The following SLC9A9 variants were observed in gnomAD, a reference collection of about 807,000 sequenced individuals.
SLC9A9 encodes the protein solute carrier family 9 member A9.
SLC9A9 carries 62 observed loss-of-function variants against 77.8 expected under a neutral mutation model. That is an observed-to-expected ratio of 0.80 (90% CI 0.65 to 0.98). The LOEUF (loss-of-function observed/expected upper bound fraction) is 0.98, where lower values mean the gene tolerates loss of function less well. SLC9A9 is among the 50% of genes least tolerant of loss of function. SLC9A9 has a pLI of 0.00. For synonymous variants in SLC9A9, 320 were observed against 283.5 expected, an observed-to-expected ratio of 1.13 and a Z score of -1.29; for missense variants, 775 against 774.9, an observed-to-expected ratio of 1.00 and a Z score of 0.00.
intron 9 of SLC9A9, chr3:143,517,529 T>C (rs2036225749): frequency 8.8e-6 from 14 of 1,597,692 alleles, no homozygotes; most frequent in Non-Finnish European, 1.2e-5. Flanking sequence ...CTTTCTCCGA[T>C]GTTCTGCAAT....
chr3:143,624,724 C>G (rs1365370655), intron 6 of SLC9A9, among the ~76,000 whole-genome samples: 4 of 152,216 alleles, frequency 2.6e-5, no homozygotes, highest in African/African-American at 9.6e-5. Flanking sequence ...GATGCCCTCT[C>G]TTACCACTCC....
At chr3:143,547,865 T>C (rs974969127) in intron 9 of SLC9A9, among the ~76,000 whole-genome samples, 2 of 152,258 alleles carry the variant, frequency 1.3e-5, no homozygotes, top group African/African-American at 4.8e-5. Flanking sequence ...ATACTTTGCT[T>C]ATTTATTTTG....
intron 9 of SLC9A9, chr3:143,517,164 T>A: frequency 6.5e-7 from 1 of 1,533,362 alleles, no homozygotes; most frequent in African/African-American, 1.4e-5. Context: ...CTGATGAGAT[T>A]CATAACCTTT....
intron 1 of SLC9A9, among the ~76,000 whole-genome samples, chr3:143,845,204 C>G (rs2009806872): frequency 6.6e-6 from 1 of 152,176 alleles, no homozygotes; most frequent in Non-Finnish European, 1.5e-5. Context: ...TTTTATCTCT[C>G]TAAGTCTTCA....
intron 1 of SLC9A9, among the ~76,000 whole-genome samples, chr3:143,845,357 C>T (rs942272304): frequency 6.6e-6 from 1 of 152,156 alleles, no homozygotes; most frequent in African/African-American, 2.4e-5. Flanking sequence ...GTGTTTACTA[C>T]AGTATCCCAT....
At chr3:143,692,974 T>A (rs375932722) in intron 5 of SLC9A9, among the ~76,000 whole-genome samples, 1 of 152,162 alleles carries the variant, frequency 6.6e-6, no homozygotes, top group African/African-American at 2.4e-5. Context: ...ACTTTAAAGA[T>A]CTCTCCCACT....
intron 2 of SLC9A9, among the ~76,000 whole-genome samples, chr3:143,821,516 A>G (rs2009166257): frequency 6.6e-6 from 1 of 152,202 alleles, no homozygotes; most frequent in African/African-American, 2.4e-5. Context: ...AAATTTCAAG[A>G]CAATTGTCAA....
chr3:143,334,961 A>G (rs1576431635), intron 14 of SLC9A9, among the ~76,000 whole-genome samples: 1 of 101,702 alleles, frequency 9.8e-6, no homozygotes, highest in East Asian at 2.1e-4. Context: ...GATAATAGGC[A>G]TGAAAAAAAA....
At chr3:143,781,816 G>A (rs2007890989) in intron 4 of SLC9A9, among the ~76,000 whole-genome samples, 1 of 152,158 alleles carries the variant, frequency 6.6e-6, no homozygotes, top group South Asian at 2.1e-4. Context: ...TTGCCTTTTG[G>A]AAACTTTCTT....
At chr3:143,403,207 T>C (rs116530402) in intron 12 of SLC9A9, among the ~76,000 whole-genome samples, 2,199 of 152,282 alleles carry the variant, frequency 0.014, 59 homozygotes, top group African/African-American at 0.05. Context: ...ATTAATCTTA[T>C]TTACAACTTC....
intron 12 of SLC9A9, among the ~76,000 whole-genome samples, chr3:143,456,604 G>T (rs541836791): frequency 1.4e-5 from 2 of 147,308 alleles, no homozygotes; most frequent in Non-Finnish European, 3.0e-5. Context: ...TCACTCTGTC[G>T]CCCAGGCTGG....
At chr3:143,737,527 G>A (rs1308520429) in intron 4 of SLC9A9, among the ~76,000 whole-genome samples, 1 of 151,592 alleles carries the variant, frequency 6.6e-6, no homozygotes, top group African/African-American at 2.4e-5. Flanking sequence ...TGGCAGAGCT[G>A]GAGAAGACTG....
At chr3:143,576,476 C>T (rs1454161044) in intron 7 of SLC9A9, among the ~76,000 whole-genome samples, 2 of 152,162 alleles carry the variant, frequency 1.3e-5, no homozygotes, top group Non-Finnish European at 2.9e-5. Context: ...ACTTGTTTTA[C>T]AGGGTTGATT....
At chr3:143,635,295 G>A (rs2038500816) in intron 6 of SLC9A9, among the ~76,000 whole-genome samples, 1 of 152,186 alleles carries the variant, frequency 6.6e-6, no homozygotes, top group African/African-American at 2.4e-5. Flanking sequence ...GAGAGGAGGT[G>A]GAAGCTGCTA....
At chr3:143,676,741 A>G (rs1932903461) in intron 5 of SLC9A9, among the ~76,000 whole-genome samples, 2 of 152,132 alleles carry the variant, frequency 1.3e-5, no homozygotes, top group African/African-American at 2.4e-5. Flanking sequence ...TTCTCAAACA[A>G]ACAAACAAAC....
chr3:143,461,810 T>C (rs1355862866), intron 12 of SLC9A9, among the ~76,000 whole-genome samples: 1 of 152,166 alleles, frequency 6.6e-6, no homozygotes, highest in African/African-American at 2.4e-5. Flanking sequence ...ATAACTTAAT[T>C]ATATATATTC....
intron 9 of SLC9A9, among the ~76,000 whole-genome samples, chr3:143,545,443 A>G (rs534812708): frequency 1.3e-5 from 2 of 151,986 alleles, no homozygotes; most frequent in Non-Finnish European, 2.9e-5. Flanking sequence ...CTATATTAGG[A>G]CCTCCAAAGG....
chr3:143,307,203 G>A (rs563110243), intron 14 of SLC9A9, among the ~76,000 whole-genome samples: 4 of 152,152 alleles, frequency 2.6e-5, no homozygotes, highest in African/African-American at 4.8e-5. Context: ...TATTAGCTAT[G>A]GGGGCAATGT....
intron 5 of SLC9A9, among the ~76,000 whole-genome samples, chr3:143,685,262 A>AT (rs780061287): frequency 3.9e-4 from 60 of 152,064 alleles, no homozygotes; most frequent in Non-Finnish European, 7.6e-4. Flanking sequence ...TTTTCAAATG[A>AT]TGTCTTGGAA....
Sources: gnomAD v4.1 joint callset for allele counts (sites outside exome capture counted in the v4.1 genomes callset) on GRCh38, gnomAD v4.1.1 for gene constraint, MANE v1.5 for transcripts, NCBI Gene and HGNC (gene_info 2026-07-23, HGNC 2026-07-21) for gene names.